YPEL1: variants seen among roughly 807,000 people sequenced by gnomAD.
The protein encoded by YPEL1 is protein yippee-like 1.
In YPEL1, 7 loss-of-function variants were observed where a neutral mutation model predicts 17.3. That is an observed-to-expected ratio of 0.40 (90% CI 0.23 to 0.76). The LOEUF is 0.76. Ranked by LOEUF, YPEL1 falls within the 30% of genes least tolerant of loss-of-function variation. YPEL1 has a pLI of 0.35. For missense variants in YPEL1, 91 were observed against 155.5 expected, an observed-to-expected ratio of 0.59 and a Z score of 2.21; for synonymous variants, 59 against 59.6, an observed-to-expected ratio of 0.99 and a Z score of 0.05.
At chr22:21,718,524 A>T (rs913356954) in intron 1 of YPEL1, among the ~76,000 whole-genome samples, 1 of 151,982 alleles carries the variant, frequency 6.6e-6, no homozygotes, top group Non-Finnish European at 1.5e-5. Context: ...AGATACAAAA[A>T]CAGGTCAATG....
intron 1 of YPEL1, among the ~76,000 whole-genome samples, chr22:21,732,734 A>T (rs1327015112): frequency 6.6e-6 from 1 of 151,992 alleles, no homozygotes; most frequent in African/African-American, 2.4e-5. Context: ...CTGAGCCGAG[A>T]TCACGCCACT....
At chr22:21,707,323 A>G (rs2068125201) in intron 2 of YPEL1, among the ~76,000 whole-genome samples, 1 of 152,194 alleles carries the variant, frequency 6.6e-6, no homozygotes, top group Non-Finnish European at 1.5e-5. Context: ...AGGCTGAGAC[A>G]GAAGACTTGC....
rs2068092005 is a variant in YPEL1, at chr22:21,703,983, G to A, written c.118-101C>T. 3.0e-6 allele frequency: 4 copies of A among 1,322,692 alleles called. No homozygotes were observed. Among genetic ancestry groups the A allele is most frequent in the Non-Finnish European group, 4.3e-6 (4 of 938,104 alleles). The allele number at this position is 1,322,692 out of a possible 1,614,324, so 81.9% of individuals were successfully genotyped here. On this transcript the variant is annotated intron_variant, in intron 2 of 4. Coordinates refer to ENST00000339468, the MANE Select transcript of YPEL1 (RefSeq NM_013313.5). This position sits in a 1 kb window ranked among gnomAD's most constrained non-coding sequence, Gnocchi z 6.1. ...GTCCAGCCCCGCGGCTGTTAGCTGC[G>A]CCGGGACGCGTCACCGGGAGCAGAC...
At chr22:21,707,825 T>G (rs1348342084) in intron 2 of YPEL1, among the ~76,000 whole-genome samples, 5 of 152,218 alleles carry the variant, frequency 3.3e-5, no homozygotes, top group Non-Finnish European at 7.3e-5. Context: ...AGGAGATAAG[T>G]AGTTTAGGCT....
chr22:21,718,571 G>C (rs1335433075), intron 1 of YPEL1, among the ~76,000 whole-genome samples: 1 of 152,144 alleles, frequency 6.6e-6, no homozygotes, highest in Non-Finnish European at 1.5e-5. Flanking sequence ...ACCACAGGTG[G>C]ATACAGACAG....
intron 4 of YPEL1, among the ~76,000 whole-genome samples, chr22:21,702,035 C>CA (rs760070460): frequency 4.2e-5 from 2 of 47,438 alleles, no homozygotes; most frequent in African/African-American, 7.7e-5. Flanking sequence ...AAAACAACAA[C>CA]AAAAAACAGG....
chr22:21,729,097 T>G (rs1412035229), intron 1 of YPEL1, among the ~76,000 whole-genome samples: 1 of 144,468 alleles, frequency 6.9e-6, no homozygotes, highest in Non-Finnish European at 1.5e-5. Context: ...TAGCTGAGAT[T>G]GCGCCATTGT....
rs896835572 is a variant in YPEL1 at position 21,703,169 on chromosome 22, G to A, written c.270+201C>T. Reference sequence around the variant, plus strand: ...GTTTTTGTTTTTTGTTTTGGGTTGGGGTATCACTGTCACCCAGGCTGGAGG... The same window carrying A: ...GTTTTTGTTTTTTGTTTTGGGTTGGAGTATCACTGTCACCCAGGCTGGAGG... On this transcript the variant is annotated intron_variant, in intron 4 of 4. Coordinates refer to ENST00000339468, the MANE Select transcript of YPEL1 (RefSeq NM_013313.5). This position sits in a 1 kb window ranked among gnomAD's most constrained non-coding sequence, Gnocchi z 6.1. Among the ~76,000 whole-genome samples the A allele has an allele frequency of 3.3e-5, 5 of 152,100 alleles. No homozygotes were observed. The highest frequency in any genetic ancestry group is 1.2e-4 in the African/African-American group (5 of 41,418).
rs1236668701 is a variant in YPEL1 at position 21,700,931 on chromosome 22, AAAC to A, written c.*195_*197del. The A allele has an allele frequency of 3.1e-5, 14 of 451,410 alleles. No homozygotes were observed. In the East Asian group the frequency reaches 4.7e-4, roughly 15 times the overall value. The allele number at this position is 451,410 out of a possible 1,614,324, so 28.0% of individuals were successfully genotyped here. On this transcript the variant is annotated 3_prime_UTR_variant, in exon 5 of 5. Coordinates refer to ENST00000339468, the MANE Select transcript of YPEL1 (RefSeq NM_013313.5). ...GAAAAAGCTCATTGAAAATTTTCAG[AAAC>A]AACTGTGTACACGAAGAGGACAGAT...
Position 21,700,849 on chromosome 22 carries a change from T to G in YPEL1, c.*280A>C, listed in dbSNP as rs1317673415. 3 of 311,240 alleles carry G rather than the reference T, an allele frequency of 9.6e-6. No homozygotes were observed. Among genetic ancestry groups the G allele is most frequent in the African/African-American group, 6.4e-5 (3 of 46,728 alleles). The allele number at this position is 311,240 out of a possible 1,614,324, so 19.3% of individuals were successfully genotyped here. A position where few individuals can be genotyped will look rare whatever the true frequency, so the allele number is the denominator to read the frequency against. Reference sequence around the variant, plus strand: ...GAAGACAAAGGTGAAAGGAAGATATTAACTAGGCAGGTAAGTCATCAGTTG... The same window carrying G: ...GAAGACAAAGGTGAAAGGAAGATATGAACTAGGCAGGTAAGTCATCAGTTG... On this transcript the variant is annotated 3_prime_UTR_variant, in exon 5 of 5. Transcript: ENST00000339468.
chr22:21,731,964 C>T (rs934175771), intron 1 of YPEL1, among the ~76,000 whole-genome samples: 13 of 152,212 alleles, frequency 8.5e-5, no homozygotes, highest in Non-Finnish European at 1.8e-4. Context: ...CAGCAAGCAC[C>T]TCACAAGCCC....
chr22:21,703,601 G>A lies in YPEL1; in HGVS notation c.162-123C>T. The A allele has an allele frequency of 1.1e-6, 1 of 918,208 alleles. No individual in the cohort carries two copies. Among genetic ancestry groups the A allele is most frequent in the Non-Finnish European group, 1.7e-6 (1 of 601,794 alleles). The allele number at this position is 918,208 out of a possible 1,614,324, so 56.9% of individuals were successfully genotyped here. A position where few individuals can be genotyped will look rare whatever the true frequency, so the allele number is the denominator to read the frequency against. On this transcript the variant is annotated intron_variant, in intron 3 of 4. Coordinates refer to ENST00000339468, the MANE Select transcript of YPEL1 (RefSeq NM_013313.5). The surrounding 1 kb of genome is among the most constrained non-coding windows in gnomAD (Gnocchi z 6.1). ...CCCAAAACAGGGAAACTCCCAGAGAGCAGTGCCGTGCCTCTCCCCCAGCCC... is the reference window on the plus strand; with the variant it reads ...CCCAAAACAGGGAAACTCCCAGAGAACAGTGCCGTGCCTCTCCCCCAGCCC...
chr22:21,718,206 G>A (rs1001535757), intron 1 of YPEL1, among the ~76,000 whole-genome samples: 5 of 151,766 alleles, frequency 3.3e-5, no homozygotes, highest in African/African-American at 1.2e-4. Context: ...GCTCATGCCT[G>A]TAATCCCAGC....
At chr22:21,706,214 A>C (rs2068114251) in intron 2 of YPEL1, among the ~76,000 whole-genome samples, 1 of 151,446 alleles carries the variant, frequency 6.6e-6, no homozygotes, top group Non-Finnish European at 1.5e-5. Context: ...GCAGATCACA[A>C]GTTCAGGAGT....
chr22:21,710,826 C>T lies in YPEL1; in HGVS notation c.-82G>A. ...GCTGGCCTCTCTGACAAAAGCAACA[C>T]TGGAAAATGCACGCAAGAGCCGTCG... On this transcript the variant is annotated 5_prime_UTR_variant, in exon 2 of 5. In the 5' UTR this introduces an upstream ATG that the reference lacks. Coordinates refer to ENST00000339468, the MANE Select transcript of YPEL1 (RefSeq NM_013313.5). The T allele has an allele frequency of 5.7e-6, 7 of 1,238,384 alleles. No homozygotes were observed. Among genetic ancestry groups the T allele is most frequent in the Non-Finnish European group, 8.3e-6 (7 of 838,830 alleles). The allele number at this position is 1,238,384 out of a possible 1,614,324, so 76.7% of individuals were successfully genotyped here.
chr22:21,712,435 G>A (rs1252662147), intron 1 of YPEL1, among the ~76,000 whole-genome samples: 2 of 149,398 alleles, frequency 1.3e-5, no homozygotes, highest in South Asian at 4.2e-4. Context: ...TGGATAAAGG[G>A]CCGGGTATGG....
rs749313851 is a variant in YPEL1 at position 21,701,189 on chromosome 22, A to G, written c.300T>C (p.Tyr100=). ...YEHAFESSQK[Y]KEGKFIIELA... Reference sequence around the variant, plus strand: ...GCTCAATGATGAATTTTCCTTCCTTATATTTCTGACTGCTCTCAAAGGCAT... The same window carrying G: ...GCTCAATGATGAATTTTCCTTCCTTGTATTTCTGACTGCTCTCAAAGGCAT... The change falls in exon 5 of 5, where the codon TAT becomes TAC. Residue 100 remains tyrosine (Y), a synonymous_variant. Transcript: ENST00000339468. 29 of 1,614,018 alleles carry G rather than the reference A, an allele frequency of 1.8e-5. No individual in the cohort carries two copies. The highest frequency in any genetic ancestry group is 7.7e-5 in the South Asian group (7 of 91,072).
chr22:21,702,006 G>T (rs546474588), intron 4 of YPEL1, among the ~76,000 whole-genome samples: 3 of 152,078 alleles, frequency 2.0e-5, no homozygotes, highest in Non-Finnish European at 4.4e-5. Flanking sequence ...AGCTGAGATC[G>T]ACCAAGACCC....
chr22:21,727,981 G>A (rs1299218955), intron 1 of YPEL1, among the ~76,000 whole-genome samples: 1 of 152,222 alleles, frequency 6.6e-6, no homozygotes, highest in Non-Finnish European at 1.5e-5. Flanking sequence ...AAAGCTGGAG[G>A]AGAACTGGGG....
Sources: gnomAD v4.1 joint callset for allele counts (sites outside exome capture counted in the v4.1 genomes callset) on GRCh38, gnomAD v4.1.1 for gene constraint, Gnocchi (gnomAD v3.1) non-coding constraint, MANE v1.5 for transcripts, NCBI Gene and HGNC (gene_info 2026-07-23, HGNC 2026-07-21) for gene names.